The following SENP5 variants were observed in gnomAD, a reference collection of about 807,000 sequenced individuals.
The protein encoded by SENP5 is SUMO specific peptidase 5.
Under a neutral mutation model 74.2 loss-of-function variants are expected in SENP5, and 21 were observed. The ratio of observed to expected loss-of-function variants is 0.28; its 90% confidence interval spans 0.20 to 0.41. The LOEUF (loss-of-function observed/expected upper bound fraction) is 0.41, where lower values mean the gene tolerates loss of function less well. SENP5 is among the 10% of genes least tolerant of loss of function. The pLI, the probability that SENP5 is intolerant of heterozygous loss-of-function variation, is 1.00. For synonymous variants in SENP5, 311 were observed against 312.7 expected (o/e 0.99, Z 0.06); for missense variants, 717 against 889.1 (o/e 0.81, Z 2.46).
intron 2 of SENP5, among the ~76,000 whole-genome samples, chr3:196,897,900 G>T (rs1323102884): frequency 6.6e-6 from 1 of 151,982 alleles, no homozygotes; most frequent in Non-Finnish European, 1.5e-5. Context: ...GGCCAGGCGC[G>T]GTGGCTCACA....
intron 6 of SENP5, among the ~76,000 whole-genome samples, chr3:196,910,335 C>CTTTTTTT (rs869108574): frequency 9.7e-5 from 5 of 51,370 alleles, no homozygotes; most frequent in Non-Finnish European, 1.3e-4. Flanking sequence ...CCAAAGTAAT[C>CTTTTTTT]TTTTTTTTTT....
At chr3:196,893,973 G>A (rs6798086) in intron 2 of SENP5, among the ~76,000 whole-genome samples, 101,076 of 151,246 alleles carry the variant, frequency 0.67, 34,753 homozygotes, top group Non-Finnish European at 0.75. Context: ...TGAAAGTCCA[G>A]AAGGAATTAT....
chr3:196,928,478 A>G (rs78780531), intron 8 of SENP5, among the ~76,000 whole-genome samples: 2 of 152,190 alleles, frequency 1.3e-5, no homozygotes, highest in East Asian at 3.8e-4. Flanking sequence ...TTTGATCCTT[A>G]TAACCTGTGA....
chr3:196,925,815 C>A (rs559183376), intron 7 of SENP5, among the ~76,000 whole-genome samples: 1 of 152,296 alleles, frequency 6.6e-6, no homozygotes, highest in Admixed American at 6.5e-5. Flanking sequence ...AGCAAAATTA[C>A]AATTGGCCTA....
chr3:196,926,307 C>G (rs1715808582), intron 7 of SENP5, among the ~76,000 whole-genome samples: 1 of 152,050 alleles, frequency 6.6e-6, no homozygotes, highest in East Asian at 1.9e-4. Flanking sequence ...CATGGTGAAA[C>G]CCCGTCTCTA....
chr3:196,927,661 TC>T (rs1715864509), intron 7 of SENP5, 134 bp from the exon 8 acceptor site: 1 of 515,296 alleles, frequency 1.9e-6, no homozygotes, highest in African/African-American at 2.0e-5. Context: ...AAAAAATTGT[TC>T]CAGCTTCTTA....
intron 1 of SENP5, among the ~76,000 whole-genome samples, chr3:196,881,019 T>C (rs1713706009): frequency 6.6e-6 from 1 of 152,082 alleles, no homozygotes; most frequent in Non-Finnish European, 1.5e-5. Flanking sequence ...CAATCTCAGC[T>C]CACTGCAACC....
At chr3:196,890,488 G>A (rs893753867) in intron 2 of SENP5, among the ~76,000 whole-genome samples, 1 of 152,210 alleles carries the variant, frequency 6.6e-6, no homozygotes, top group African/African-American at 2.4e-5. Context: ...AAATATGAGT[G>A]TAAGAAGAAA....
At chr3:196,872,833 A>C (rs1713275632) in intron 1 of SENP5, among the ~76,000 whole-genome samples, 1 of 152,182 alleles carries the variant, frequency 6.6e-6, no homozygotes, top group Non-Finnish European at 1.5e-5. Flanking sequence ...GTCATTGCAG[A>C]AATTTTATTG....
intron 6 of SENP5, among the ~76,000 whole-genome samples, chr3:196,919,050 A>G (rs1289731092): frequency 2.0e-5 from 3 of 152,332 alleles, no homozygotes; most frequent in Admixed American, 1.3e-4. Flanking sequence ...AGCAAATATT[A>G]TCTGAGCTAA....
At position 196,927,885 on chromosome 3, in the gene SENP5, T is replaced by C; in HGVS notation, c.2106+6T>C. 6.3e-7 allele frequency: 1 copy of C among 1,588,496 alleles called. No individual in the cohort carries two copies. The highest frequency in any genetic ancestry group is 8.6e-7 in the Non-Finnish European group (1 of 1,156,756). On this transcript the variant is annotated splice_donor_region_variant and intron_variant, in intron 8 of 9. Transcript: ENST00000323460. The stretch of plus-strand genomic sequence containing the variant: ...GGCAGACTGCTGTTACGAAGGTAAG[T>C]ATGTGATAACAATGAAACCCAGGCA...
At chr3:196,921,315 C>A (rs1410199782) in intron 6 of SENP5, among the ~76,000 whole-genome samples, 1 of 152,082 alleles carries the variant, frequency 6.6e-6, no homozygotes, top group Non-Finnish European at 1.5e-5. Context: ...CCTCAGCCAC[C>A]CCTGTGGACA....
intron 2 of SENP5, among the ~76,000 whole-genome samples, chr3:196,895,894 C>G (rs1200062090): frequency 6.6e-6 from 1 of 152,174 alleles, no homozygotes; most frequent in Non-Finnish European, 1.5e-5. Context: ...TTGCAGAGTG[C>G]TCTGTAATTT....
intron 1 of SENP5, among the ~76,000 whole-genome samples, chr3:196,871,436 AC>A (rs1713211664): frequency 6.6e-6 from 1 of 152,182 alleles, no homozygotes; most frequent in African/African-American, 2.4e-5. Context: ...TAACATTGAA[AC>A]AAAGCAGCTC....
Position 196,903,517 on chromosome 3 carries a change from T to G in SENP5, c.1807-16T>G, listed in dbSNP as rs1280207562. 3.8e-6 allele frequency: 6 copies of G among 1,572,962 alleles called. No homozygotes were observed. The highest frequency in any genetic ancestry group is 5.2e-6 in the Non-Finnish European group (6 of 1,156,108). ...CCTAATATAATCTGGTTGCTTGTGT[T>G]TGTTGTCTGTTCTAGGTTCACTTCT... On this transcript the variant is annotated splice_polypyrimidine_tract_variant and intron_variant, in intron 5 of 9. Coordinates refer to ENST00000323460, the MANE Select transcript of SENP5 (RefSeq NM_152699.5).
At chr3:196,911,811 A>G (rs898945690) in intron 6 of SENP5, among the ~76,000 whole-genome samples, 6 of 152,104 alleles carry the variant, frequency 3.9e-5, no homozygotes, top group Non-Finnish European at 7.4e-5. Context: ...CTCCGTCTCA[A>G]AAAAAAACAA....
At chr3:196,905,866 G>T (rs1238232404) in intron 6 of SENP5, among the ~76,000 whole-genome samples, 1 of 152,108 alleles carries the variant, frequency 6.6e-6, no homozygotes, top group Non-Finnish European at 1.5e-5. Flanking sequence ...CTCTAATTCT[G>T]CCTTGCTCTT....
At chr3:196,889,438 G>A (rs184740526) in intron 2 of SENP5, among the ~76,000 whole-genome samples, 194 of 152,264 alleles carry the variant, frequency 1.3e-3, no homozygotes, top group African/African-American at 4.4e-3. Flanking sequence ...CATGTGTAGT[G>A]ACAATATAAT....
At chr3:196,924,605 A>G (rs1215478475) in intron 7 of SENP5, among the ~76,000 whole-genome samples, 1 of 63,440 alleles carries the variant, frequency 1.6e-5, no homozygotes, top group African/African-American at 1.3e-4. Flanking sequence ...GGAAATAGGC[A>G]TTCTCATATT....
Sources: gnomAD v4.1 joint callset for allele counts (sites outside exome capture counted in the v4.1 genomes callset) on GRCh38, gnomAD v4.1.1 for gene constraint, MANE v1.5 for transcripts, NCBI Gene and HGNC (gene_info 2026-07-23, HGNC 2026-07-21) for gene names.